Variants in LYPD6B observed in about 807,000 individuals in gnomAD.
The protein encoded by LYPD6B is LY6/PLAUR domain containing 6B, also known as ly6/PLAUR domain-containing protein 6B.
Under a neutral mutation model 22.8 loss-of-function variants are expected in LYPD6B, and 17 were observed. That is an observed-to-expected ratio of 0.75 (90% confidence interval 0.51 to 1.12). The LOEUF (loss-of-function observed/expected upper bound fraction) is 1.12, where lower values mean the gene tolerates loss of function less well. Among genes scored for constraint, LYPD6B ranks in the 50% most tolerant of loss-of-function variants. The probability of loss-of-function intolerance (pLI) is 0.00; values close to 1 mark genes in which losing one functional copy is unlikely to be tolerated. For synonymous variants in LYPD6B, 106 were observed against 91.6 expected, an observed-to-expected ratio of 1.16 and a Z score of -0.90; for missense variants, 221 against 258.3, an observed-to-expected ratio of 0.86 and a Z score of 0.99.
intron 1 of LYPD6B, among the ~76,000 whole-genome samples, chr2:149,040,137 G>C (rs1286128280): frequency 6.6e-6 from 1 of 152,086 alleles, no homozygotes; most frequent in Non-Finnish European, 1.5e-5. Flanking sequence ...CCTTCAGAGA[G>C]AGAGACAGAG....
At chr2:149,160,144 C>G (rs1689965161) in intron 2 of LYPD6B, among the ~76,000 whole-genome samples, 1 of 151,838 alleles carries the variant, frequency 6.6e-6, no homozygotes, top group South Asian at 2.1e-4. Flanking sequence ...AGAGTGAGAT[C>G]CCATCTCTTA....
At chr2:149,163,061 G>T (rs532210141) in intron 3 of LYPD6B, among the ~76,000 whole-genome samples, 1 of 152,278 alleles carries the variant, frequency 6.6e-6, no homozygotes, top group African/African-American at 2.4e-5. Flanking sequence ...GGGTGGGGCA[G>T]GAGTCCTGCT....
At chr2:149,115,004 G>T (rs889469083) in intron 1 of LYPD6B, among the ~76,000 whole-genome samples, 2 of 152,150 alleles carry the variant, frequency 1.3e-5, no homozygotes, top group East Asian at 3.9e-4. Context: ...CAGTGGCATG[G>T]TCTCGGCTCA....
chr2:149,046,086 A>C (rs1683292618), intron 1 of LYPD6B, among the ~76,000 whole-genome samples: 1 of 152,192 alleles, frequency 6.6e-6, no homozygotes, highest in South Asian at 2.1e-4. Context: ...GTGCATACAC[A>C]TTTAGGGTTG....
chr2:149,101,443 TA>T (rs1359764297), intron 1 of LYPD6B: 1 of 152,262 alleles, frequency 6.6e-6, no homozygotes, highest in Non-Finnish European at 1.5e-5. Flanking sequence ...TATGAATTTA[TA>T]GTAACTAGTG....
chr2:149,117,913 G>A (rs944182734), intron 1 of LYPD6B, among the ~76,000 whole-genome samples: 2 of 152,156 alleles, frequency 1.3e-5, no homozygotes, highest in African/African-American at 4.8e-5. Context: ...CTCTCACCAG[G>A]TTGTAGTCAC....
chr2:149,134,897 CAA>C (rs1004990357), intron 2 of LYPD6B, among the ~76,000 whole-genome samples: 3 of 152,100 alleles, frequency 2.0e-5, no homozygotes, highest in Admixed American at 6.5e-5. Context: ...ATTTTAAAAC[CAA>C]AGTTATCTTA....
chr2:149,148,282 A>G (rs1383322370), intron 2 of LYPD6B, among the ~76,000 whole-genome samples: 1 of 152,218 alleles, frequency 6.6e-6, no homozygotes, highest in African/African-American at 2.4e-5. Context: ...GAAATGCAGG[A>G]CTTCACAGTT....
intron 1 of LYPD6B, among the ~76,000 whole-genome samples, chr2:149,086,183 T>C (rs1323311593): frequency 6.6e-6 from 1 of 152,210 alleles, no homozygotes; most frequent in Non-Finnish European, 1.5e-5. Flanking sequence ...ACTTCCCCAA[T>C]GTGCATTCAT....
At chr2:149,063,460 C>T (rs781652052) in intron 1 of LYPD6B, among the ~76,000 whole-genome samples, 8 of 152,164 alleles carry the variant, frequency 5.3e-5, no homozygotes, top group Non-Finnish European at 1.2e-4. Context: ...CTGATTGATG[C>T]TCCACTGAGG....
intron 2 of LYPD6B, among the ~76,000 whole-genome samples, chr2:149,146,888 T>A (rs1689060266): frequency 6.6e-6 from 1 of 152,226 alleles, no homozygotes; most frequent in South Asian, 2.1e-4. Context: ...CAAATTTTAT[T>A]ATTTTTTATT....
At chr2:149,189,710 T>G (rs1159072380) in intron 3 of LYPD6B, among the ~76,000 whole-genome samples, 1 of 152,116 alleles carries the variant, frequency 6.6e-6, no homozygotes, top group Non-Finnish European at 1.5e-5. Context: ...CTTCCTTACC[T>G]TCATTCTTAA....
intron 2 of LYPD6B, among the ~76,000 whole-genome samples, chr2:149,154,640 C>T (rs972851280): frequency 2.6e-5 from 4 of 151,586 alleles, no homozygotes; most frequent in African/African-American, 9.7e-5. Flanking sequence ...TTGAGAATAT[C>T]CTGTTGCTGA....
chr2:149,146,723 C>T (rs1280910597), intron 2 of LYPD6B, among the ~76,000 whole-genome samples: 5 of 151,682 alleles, frequency 3.3e-5, no homozygotes. Flanking sequence ...CAAATATTAA[C>T]AACCCCAAGG....
intron 1 of LYPD6B, among the ~76,000 whole-genome samples, chr2:149,098,500 G>C (rs184371529): frequency 6.6e-6 from 1 of 151,674 alleles, no homozygotes; most frequent in Non-Finnish European, 1.5e-5. Flanking sequence ...GGTGGCAGGC[G>C]CCTGTAATCC....
intron 2 of LYPD6B, among the ~76,000 whole-genome samples, chr2:149,141,007 T>G (rs1286650398): frequency 1.3e-5 from 2 of 152,242 alleles, no homozygotes. Context: ...TAGGTACTGA[T>G]AGATAACAGT....
intron 3 of LYPD6B, among the ~76,000 whole-genome samples, chr2:149,180,959 T>C (rs1217199342): frequency 6.6e-6 from 1 of 152,200 alleles, no homozygotes; most frequent in Non-Finnish European, 1.5e-5. Flanking sequence ...TCCCAATCTG[T>C]CTGTGGCTGG....
chr2:149,084,493 A>G (rs535853042), intron 1 of LYPD6B, among the ~76,000 whole-genome samples: 5 of 152,238 alleles, frequency 3.3e-5, no homozygotes, highest in African/African-American at 9.6e-5. Context: ...GCACCATCAC[A>G]TGTCCTGGGC....
chr2:149,053,208 TA>T (rs879401445), intron 1 of LYPD6B, among the ~76,000 whole-genome samples: 6 of 152,048 alleles, frequency 3.9e-5, no homozygotes, highest in East Asian at 1.9e-4. Context: ...GATACATAGT[TA>T]AAAAAAACAA....
Sources: gnomAD v4.1 joint callset for allele counts (sites outside exome capture counted in the v4.1 genomes callset) on GRCh38, gnomAD v4.1.1 for gene constraint, MANE v1.5 for transcripts, NCBI Gene and HGNC (gene_info 2026-07-23, HGNC 2026-07-21) for gene names.